Variants in ACBD6 observed in about 807,000 individuals in gnomAD.
ACBD6 encodes acyl-CoA binding domain containing 6.
ACBD6 carries 28 observed loss-of-function variants against 37.2 expected under a neutral mutation model. That is an observed-to-expected ratio of 0.75 (90% CI 0.56 to 1.03). The LOEUF (loss-of-function observed/expected upper bound fraction) is 1.03, where lower values mean the gene tolerates loss of function less well. Among genes scored for constraint, ACBD6 ranks in the 50% least tolerant of loss-of-function variants. The pLI, the probability that ACBD6 is intolerant of heterozygous loss-of-function variation, is 0.00. For synonymous variants in ACBD6, 113 were observed against 126.8 expected (o/e 0.89, Z 0.73); for missense variants, 340 against 337.4 (o/e 1.01, Z -0.06).
chr1:180,420,932 G>A (rs755179654), intron 4 of ACBD6, among the ~76,000 whole-genome samples: 1 of 151,858 alleles, frequency 6.6e-6, no homozygotes, highest in South Asian at 2.1e-4. Flanking sequence ...GTCCTTTGTG[G>A]CATTTTTTTC....
intron 6 of ACBD6, among the ~76,000 whole-genome samples, chr1:180,318,175 C>CCCCCCCCCA (rs10632390): frequency 9.7e-6 from 1 of 102,750 alleles, no homozygotes; most frequent in Non-Finnish European, 2.1e-5. Flanking sequence ...CCCCCCCCCC[C>CCCCCCCCCA]AAAAAAAAAA....
intron 6 of ACBD6, among the ~76,000 whole-genome samples, chr1:180,328,222 C>A (rs1030885131): frequency 2.0e-5 from 3 of 151,738 alleles, no homozygotes; most frequent in Admixed American, 2.0e-4. Context: ...AAGATACATA[C>A]ATATATACAC....
chr1:180,479,627 C>G (rs574109389), intron 3 of ACBD6, among the ~76,000 whole-genome samples: 2 of 152,172 alleles, frequency 1.3e-5, no homozygotes, highest in South Asian at 4.1e-4. Context: ...TACAGATACC[C>G]GAAATGCCCT....
At position 180,397,056 on chromosome 1, in the gene ACBD6, A is replaced by G. The variant is rs551454291; in HGVS notation, c.663+460T>C. On this transcript the variant is annotated intron_variant, in intron 6 of 7. Coordinates refer to ENST00000367595, the MANE Select transcript of ACBD6 (RefSeq NM_032360.4). ...AAGACAGAAACAACTCAAGCTGCCC[A>G]TCAATTGATTAATGGATAAACAACA... Among the ~76,000 whole-genome samples, 8 of 152,338 alleles carry G rather than the reference A, an allele frequency of 5.3e-5. No individual in the cohort carries two copies. In the South Asian group the frequency reaches 8.3e-4, roughly 16 times the overall value.
At chr1:180,294,918 C>T (rs1342019463) in intron 7 of ACBD6, among the ~76,000 whole-genome samples, 5 of 152,052 alleles carry the variant, frequency 3.3e-5, no homozygotes, top group South Asian at 4.1e-4. Context: ...GGCTGGGTCT[C>T]GAACTCTTAG....
At chr1:180,478,329 C>G (rs1055086374) in intron 3 of ACBD6, among the ~76,000 whole-genome samples, 3 of 152,028 alleles carry the variant, frequency 2.0e-5, no homozygotes, top group Non-Finnish European at 2.9e-5. Context: ...TTTAGTTTCA[C>G]AGAAAAATCA....
chr1:180,325,685 C>T (rs1260715164), intron 6 of ACBD6, among the ~76,000 whole-genome samples: 4 of 152,134 alleles, frequency 2.6e-5, no homozygotes, highest in Non-Finnish European at 4.4e-5. Context: ...GCAATTTGGG[C>T]ACGTTTGTGC....
intron 3 of ACBD6, among the ~76,000 whole-genome samples, chr1:180,446,169 AT>A (rs202158333): frequency 3.6e-3 from 504 of 139,558 alleles, no homozygotes; most frequent in Non-Finnish European, 3.4e-3. Flanking sequence ...CGCCGGGATA[AT>A]TTTTTTTTTT....
intron 4 of ACBD6, among the ~76,000 whole-genome samples, chr1:180,418,378 G>A (rs1481387844): frequency 6.6e-6 from 1 of 152,044 alleles, no homozygotes; most frequent in Non-Finnish European, 1.5e-5. Context: ...AGGAGTTTGA[G>A]ACCAGCCTGG....
At chr1:180,380,647 A>G (rs930908643) in intron 6 of ACBD6, among the ~76,000 whole-genome samples, 2 of 151,910 alleles carry the variant, frequency 1.3e-5, no homozygotes, top group African/African-American at 4.8e-5. Context: ...TCCTACACCC[A>G]GAAGTGAAAC....
At chr1:180,271,667 A>T (rs1571294714) in exon 14 of ACBD6, 2 of 1,351,424 alleles carry the variant, frequency 1.5e-6, no homozygotes, top group East Asian at 4.6e-5. Context: ...AGAACTGAAG[A>T]CAGAGTTCTG....
chr1:180,455,359 C>T (rs1484683937), intron 3 of ACBD6, among the ~76,000 whole-genome samples: 1 of 150,854 alleles, frequency 6.6e-6, no homozygotes, highest in Non-Finnish European at 1.5e-5. Context: ...CATCACACAC[C>T]AGGGCCTATC....
intron 6 of ACBD6, among the ~76,000 whole-genome samples, chr1:180,377,634 C>T (rs1242652164): frequency 6.6e-6 from 1 of 152,140 alleles, no homozygotes; most frequent in East Asian, 1.9e-4. Context: ...GGAGACACAA[C>T]TCATTGATGG....
At chr1:180,401,636 T>A (rs1390193128) in intron 5 of ACBD6, among the ~76,000 whole-genome samples, 1 of 151,268 alleles carries the variant, frequency 6.6e-6, no homozygotes, top group Admixed American at 6.6e-5. Flanking sequence ...ATACAAAAAA[T>A]TAGTGGGGTG....
chr1:180,337,380 T>C (rs1412811009), intron 6 of ACBD6, among the ~76,000 whole-genome samples: 1 of 152,034 alleles, frequency 6.6e-6, no homozygotes, highest in Admixed American at 6.5e-5. Flanking sequence ...ATCCAGCATA[T>C]AAACAGAACC....
At chr1:180,430,118 C>A in intron 4 of ACBD6, 62 bp downstream of exon 4, 2 of 1,416,964 alleles carry the variant, frequency 1.4e-6, no homozygotes, top group Non-Finnish European at 2.0e-6. Context: ...CACATACATA[C>A]AAACACATGC....
chr1:180,422,592 C>A (rs1015760818), intron 4 of ACBD6, among the ~76,000 whole-genome samples: 1 of 152,188 alleles, frequency 6.6e-6, no homozygotes, highest in Non-Finnish European at 1.5e-5. Context: ...AGACCTCAAT[C>A]TACAATACGT....
intron 6 of ACBD6, among the ~76,000 whole-genome samples, chr1:180,374,149 T>C (rs568349011): frequency 7.9e-5 from 12 of 152,260 alleles, no homozygotes; most frequent in African/African-American, 2.9e-4. Context: ...TCTCATCAAA[T>C]AATTTTGTAG....
intron 3 of ACBD6, among the ~76,000 whole-genome samples, chr1:180,449,754 G>T (rs1003493307): frequency 6.6e-6 from 1 of 151,666 alleles, no homozygotes. Context: ...CACACACCGG[G>T]GCCTGTTGTA....
Sources: allele counts gnomAD v4.1 joint callset (sites outside exome capture counted in the v4.1 genomes callset), GRCh38; gene constraint gnomAD v4.1.1; transcripts MANE v1.5; gene names NCBI Gene and HGNC (gene_info 2026-07-23, HGNC 2026-07-21).